The following EPB41L4A variants were observed in gnomAD, a reference collection of about 807,000 sequenced individuals.
The protein encoded by EPB41L4A is band 4.1-like protein 4A.
Under a neutral mutation model 108.6 loss-of-function variants are expected in EPB41L4A, and 100 were observed. The observed-to-expected ratio is 0.92, with a 90% CI of 0.78 to 1.09. The LOEUF (loss-of-function observed/expected upper bound fraction) is 1.09. EPB41L4A is among the 50% of genes least tolerant of loss of function. The pLI is 0.00. For synonymous variants in EPB41L4A, 319 were observed against 289.0 expected, an observed-to-expected ratio of 1.10 and a Z score of -1.05; for missense variants, 1,030 against 842.7, an observed-to-expected ratio of 1.22 and a Z score of -2.75.
intron 1 of EPB41L4A, among the ~76,000 whole-genome samples, chr5:112,380,614 C>T (rs1392205518): frequency 6.6e-6 from 1 of 152,046 alleles, no homozygotes; most frequent in African/African-American, 2.4e-5. Context: ...TAGAGAATAA[C>T]TTCAAAAACA....
At chr5:112,229,483 G>A (rs1748711652) in intron 12 of EPB41L4A, among the ~76,000 whole-genome samples, 1 of 152,020 alleles carries the variant, frequency 6.6e-6, no homozygotes, top group South Asian at 2.1e-4. Context: ...CTTTAGTGGT[G>A]ACTTCTGAGA....
At chr5:112,193,599 C>A (rs1761814882) in intron 17 of EPB41L4A, among the ~76,000 whole-genome samples, 1 of 152,202 alleles carries the variant, frequency 6.6e-6, no homozygotes, top group Non-Finnish European at 1.5e-5. Context: ...CCGCACCTGG[C>A]CTTCCTCATT....
intron 1 of EPB41L4A, among the ~76,000 whole-genome samples, chr5:112,392,043 C>T (rs1422052824): frequency 2.0e-5 from 3 of 152,062 alleles, no homozygotes; most frequent in African/African-American, 7.2e-5. Flanking sequence ...TTGTCAGCAC[C>T]AGTCCTGGCT....
intron 3 of EPB41L4A, among the ~76,000 whole-genome samples, chr5:112,278,151 T>A (rs1019057621): frequency 6.6e-6 from 1 of 152,254 alleles, no homozygotes; most frequent in Non-Finnish European, 1.5e-5. Context: ...ATAGCCATTT[T>A]CCTTCACTAT....
chr5:112,183,990 T>G, intron 18 of EPB41L4A, 26 bp downstream of exon 18: 1 of 1,612,488 alleles, frequency 6.2e-7, no homozygotes, highest in Non-Finnish European at 8.5e-7. Context: ...TGTTTTTGAA[T>G]CAAGGTATAA....
intron 1 of EPB41L4A, 75 bp downstream of exon 1, chr5:112,418,866 G>T: frequency 2.5e-6 from 3 of 1,188,818 alleles, no homozygotes; most frequent in South Asian, 1.3e-5. Context: ...ACCCACCGGT[G>T]ACAGCCCTCA....
At chr5:112,404,397 C>A (rs1761960683) in intron 1 of EPB41L4A, among the ~76,000 whole-genome samples, 1 of 152,164 alleles carries the variant, frequency 6.6e-6, no homozygotes, top group African/African-American at 2.4e-5. Context: ...AATGATGGAG[C>A]CACAAGATAA....
intron 8 of EPB41L4A, 139 bp from the exon 9 acceptor site, chr5:112,259,431 G>A (rs1176944322): frequency 1.5e-6 from 1 of 676,854 alleles, no homozygotes; most frequent in Admixed American, 2.4e-5. Context: ...TACAGCGACA[G>A]AGAGATTTCC....
chr5:112,186,744 C>A (rs1761449235), intron 17 of EPB41L4A, among the ~76,000 whole-genome samples: 1 of 152,196 alleles, frequency 6.6e-6, no homozygotes, highest in African/African-American at 2.4e-5. Context: ...TTACAAAAGA[C>A]CTCTAGTTAA....
Position 112,323,101 on chromosome 5 carries a change from T to C in EPB41L4A, c.100-15611A>G, listed in dbSNP as rs1435371501. ...AGAGTTCTGAAAGATCAAACAAACA[T>C]TGTAGGTAAAAATATCAGAGATGTG... On this transcript the variant is annotated intron_variant, in intron 1 of 22. Coordinates refer to ENST00000261486, the MANE Select transcript of EPB41L4A (RefSeq NM_022140.5). 3.3e-5 allele frequency among the ~76,000 whole-genome samples: 5 copies of C among 151,950 alleles called. No individual in the cohort carries two copies. In the East Asian group the frequency reaches 7.8e-4, roughly 24 times the overall value.
intron 2 of EPB41L4A, among the ~76,000 whole-genome samples, chr5:112,296,286 C>T (rs1374316404): frequency 1.3e-5 from 2 of 151,624 alleles, no homozygotes; most frequent in Admixed American, 6.6e-5. Context: ...AATCAGGTGC[C>T]TCTAAATAAA....
intron 2 of EPB41L4A, among the ~76,000 whole-genome samples, chr5:112,290,475 T>G (rs1580618475): frequency 6.6e-6 from 1 of 152,150 alleles, no homozygotes; most frequent in East Asian, 1.9e-4. Flanking sequence ...AAACATGGTT[T>G]TAGGGATCAC....
Position 112,164,861 on chromosome 5 carries a change from A to T in EPB41L4A, c.*129T>A. On this transcript the variant is annotated 3_prime_UTR_variant, in exon 23 of 23. Coordinates refer to ENST00000261486, the MANE Select transcript of EPB41L4A (RefSeq NM_022140.5). Reference sequence around the variant, plus strand: ...AAAAAAAAAAAAAGAAGCAAAAGATAATGTATTTTCTCATGCTGAAGAAAT... The same window carrying T: ...AAAAAAAAAAAAAGAAGCAAAAGATTATGTATTTTCTCATGCTGAAGAAAT... 2 of 1,019,064 alleles carry T rather than the reference A, an allele frequency of 2.0e-6. No homozygotes were observed. The highest frequency in any genetic ancestry group is 2.7e-6 in the Non-Finnish European group (2 of 730,974). 63.1% of individuals were successfully genotyped at this position (1,019,064 alleles called of 1,614,324 possible). A position where few individuals can be genotyped will look rare whatever the true frequency, so the allele number is the denominator to read the frequency against.
In EPB41L4A at chr5:112,380,891, A is replaced by C. The variant is rs73214239; in HGVS notation, c.99+38050T>G. 6.3e-3 allele frequency among the ~76,000 whole-genome samples: 960 copies of C among 152,184 alleles called. 14 individuals are homozygous for C. Among genetic ancestry groups the C allele is most frequent in the African/African-American group, 0.022 (912 of 41,538 alleles). On this transcript the variant is annotated intron_variant, in intron 1 of 22. Transcript: ENST00000261486. Reference sequence around the variant, plus strand: ...AGTCACCCAGAAGCCACTGATATTTAGAAACCATCCCCCACCAGACCATTC... The same window carrying C: ...AGTCACCCAGAAGCCACTGATATTTCGAAACCATCCCCCACCAGACCATTC...
intron 12 of EPB41L4A, among the ~76,000 whole-genome samples, chr5:112,153,251 C>T (rs1293648606): frequency 7.0e-6 from 1 of 142,550 alleles, no homozygotes; most frequent in Non-Finnish European, 1.5e-5. Context: ...AGAGGCCGGG[C>T]ATGGTGTCTC....
chr5:112,259,262 C>G lies in EPB41L4A; in HGVS notation c.762G>C (p.Glu254Asp), dbSNP rs1751327669. Residue 254 changes from glutamate (E) to aspartate (D), a missense_variant, in exon 9 of 23, where the codon GAG becomes GAC. By Grantham distance (45) the Glu-to-Asp change is conservative. Transcript: ENST00000261486. ...WPRITKVHFK[E>D]TQFELRVLGK... ...CCAGTACTCTGAGTTCAAATTGAGT[C>G]TCCTTGAAGTGAACCTTTGTAATCC... The G allele has an allele frequency of 6.2e-7, 1 of 1,613,962 alleles. No homozygotes were observed. The highest frequency in any genetic ancestry group is 8.5e-7 in the Non-Finnish European group (1 of 1,179,858).
At chr5:112,419,715 C>T, upstream of EPB41L4A, 1 of 456,766 alleles carries the variant, frequency 2.2e-6, no homozygotes, top group South Asian at 1.5e-5. Context: ...GCCGCAAGCG[C>T]CGAGGAGCCG....
intron 1 of EPB41L4A, among the ~76,000 whole-genome samples, chr5:112,396,519 T>C (rs1458094713): frequency 6.6e-6 from 1 of 152,194 alleles, no homozygotes; most frequent in Non-Finnish European, 1.5e-5. Flanking sequence ...GAGTCAGAAC[T>C]CCAGGAGTAT....
intron 9 of EPB41L4A, among the ~76,000 whole-genome samples, chr5:112,254,671 T>A (rs563365316): frequency 1.3e-5 from 2 of 152,076 alleles, no homozygotes; most frequent in African/African-American, 4.8e-5. Flanking sequence ...CCAGAGGGAA[T>A]AGGCAGACAT....
Sources: gnomAD v4.1 joint callset for allele counts (sites outside exome capture counted in the v4.1 genomes callset) on GRCh38, gnomAD v4.1.1 for gene constraint, MANE v1.5 for transcripts, NCBI Gene and HGNC (gene_info 2026-07-23, HGNC 2026-07-21) for gene names.